Variants in ASPH observed in about 807,000 individuals in gnomAD.
The protein encoded by ASPH is aspartyl/asparaginyl beta-hydroxylase.
Under a neutral mutation model 118.4 loss-of-function variants are expected in ASPH, and 100 were observed. The ratio of observed to expected loss-of-function variants is 0.84; its 90% confidence interval spans 0.72 to 1.00. The LOEUF (loss-of-function observed/expected upper bound fraction) is 1.00, where lower values mean the gene tolerates loss of function less well. Ranked by LOEUF, ASPH falls within the 50% of genes least tolerant of loss-of-function variation. The pLI is 0.00. For missense variants in ASPH, 920 were observed against 919.5 expected, an observed-to-expected ratio of 1.00 and a Z score of -0.01; for synonymous variants, 315 against 325.6, an observed-to-expected ratio of 0.97 and a Z score of 0.35.
chr8:61,575,146 C>T (rs560246355), intron 16 of ASPH, among the ~76,000 whole-genome samples: 39 of 152,250 alleles, frequency 2.6e-4, no homozygotes, highest in African/African-American at 9.1e-4. Flanking sequence ...CGCTGTCTGC[C>T]CCATTCTTTC....
chr8:61,690,564 A>G (rs925375950), intron 1 of ASPH, among the ~76,000 whole-genome samples: 2 of 152,144 alleles, frequency 1.3e-5, no homozygotes, highest in Non-Finnish European at 1.5e-5. Flanking sequence ...AAATAAAATC[A>G]GCCATTTATT....
chr8:61,511,718 T>C (rs113226836), intron 24 of ASPH, among the ~76,000 whole-genome samples: 4,639 of 152,312 alleles, frequency 0.03, 101 homozygotes, highest in Middle Eastern at 0.075. Flanking sequence ...ATTCTCCTGC[T>C]TCAGCCTCCC....
At position 61,691,553 on chromosome 8, in the gene ASPH, G is replaced by T. The variant is rs553075278; in HGVS notation, c.104-7365C>A. 6.6e-5 allele frequency among the ~76,000 whole-genome samples: 10 copies of T among 152,306 alleles called. 1 individual carries two copies. The highest frequency in any genetic ancestry group is 4.1e-4 in the South Asian group (2 of 4,824). On this transcript the variant is annotated intron_variant, in intron 1 of 24. Transcript: ENST00000379454. ...AATATTCTGGAAGCTTCCTTTCATT[G>T]TGTTGTTTTTGGAGGGAGAATGACA...
rs1342991534 is a variant in ASPH, at chr8:61,653,642, G to A, written c.341C>T (p.Thr114Ile). ...KVLLGLKERS[T>I]SEPAVPPEEA... ...TTCTGGCGGGACTGCTGGCTCTGAAGTAGATCTCTCTTTAAGTCCTGCATT... is the reference window on the plus strand; with the variant it reads ...TTCTGGCGGGACTGCTGGCTCTGAAATAGATCTCTCTTTAAGTCCTGCATT... Residue 114 changes from threonine (T) to isoleucine (I), a missense_variant, in exon 4 of 25, where the codon ACT (threonine) becomes ATT (isoleucine). Coordinates refer to ENST00000379454, the MANE Select transcript of ASPH (RefSeq NM_004318.4). 1 of 1,613,878 alleles carries A rather than the reference G, an allele frequency of 6.2e-7. No individual in the cohort carries two copies. Among genetic ancestry groups the A allele is most frequent in the Non-Finnish European group, 8.5e-7 (1 of 1,179,964 alleles).
At chr8:61,625,291 TC>T (rs1471634750) in intron 13 of ASPH, 1 of 985,714 alleles carries the variant, frequency 1.0e-6, no homozygotes, top group Admixed American at 6.2e-5. Context: ...GCAGCAGGCA[TC>T]GGGCTCTGTG....
Position 61,617,566 on chromosome 8 carries a change from G to A in ASPH, c.976+1412C>T, listed in dbSNP as rs192370914. Among the ~76,000 whole-genome samples the A allele has an allele frequency of 1.8e-4, 27 of 152,162 alleles. No homozygotes were observed. In the East Asian group the frequency reaches 3.5e-3, roughly 20 times the overall value. On this transcript the variant is annotated intron_variant, in intron 14 of 24. Coordinates refer to ENST00000379454, the MANE Select transcript of ASPH (RefSeq NM_004318.4). ...GATCTATAAAACAGAGTCAGCCAAC[G>A]GTTTCTGATATTAAGGAGAAAACTG...
intron 24 of ASPH, among the ~76,000 whole-genome samples, chr8:61,516,536 G>A (rs1165222644): frequency 6.6e-6 from 1 of 152,136 alleles, no homozygotes; most frequent in Non-Finnish European, 1.5e-5. Context: ...AGAACAATAA[G>A]AAATGTGTAA....
At chr8:61,643,625 G>C (rs1047893491) in intron 8 of ASPH, among the ~76,000 whole-genome samples, 192 bp from the exon 9 acceptor site, 2 of 152,176 alleles carry the variant, frequency 1.3e-5, no homozygotes, top group African/African-American at 4.8e-5. Flanking sequence ...GGAAAGAGTA[G>C]AAATGGGATT....
Position 61,610,102 on chromosome 8 carries a change from TAAGAA to T in ASPH, c.976+8871_976+8875del, listed in dbSNP as rs1260360329. 3.3e-5 allele frequency among the ~76,000 whole-genome samples: 5 copies of T among 152,316 alleles called. No homozygotes were observed. In the South Asian group the frequency reaches 1.0e-3, roughly 32 times the overall value. The stretch of plus-strand genomic sequence containing the variant: ...TACCAATACCTGATTTTTTTTTCCT[TAAGAA>T]AAGTATTTTACTTTCCTGCTCACAT... On this transcript the variant is annotated intron_variant, in intron 14 of 24. Coordinates refer to ENST00000379454, the MANE Select transcript of ASPH (RefSeq NM_004318.4).
rs375651810 is a variant in ASPH at position 61,517,512 on chromosome 8, A to G, written c.2126+16T>C. The G allele has an allele frequency of 1.2e-6, 2 of 1,612,228 alleles. No homozygotes were observed. Among genetic ancestry groups the G allele is most frequent in the African/African-American group, 2.7e-5 (2 of 74,914 alleles). ...CTCTGAGGTGACGGATATGACGGAT[A>G]ACAGAGGACCCATACTTGGTCTCGT... On this transcript the variant is annotated intron_variant, in intron 24 of 24. Transcript: ENST00000379454.
rs867616219 is a variant in ASPH, at chr8:61,517,806, T to G, written c.1993-145A>C. 35 of 1,262,366 alleles carry G rather than the reference T, an allele frequency of 2.8e-5. No individual in the cohort carries two copies. In the Middle Eastern group the frequency reaches 5.9e-4, roughly 21 times the overall value. 78.2% of individuals were successfully genotyped at this position (1,262,366 alleles called of 1,614,324 possible). A position where few individuals can be genotyped will look rare whatever the true frequency, so the allele number is the denominator to read the frequency against. On this transcript the variant is annotated intron_variant, in intron 23 of 24. Transcript: ENST00000379454. ...TTTATATTCAAGTCTTATTTCTTTGTGAAGGAACTAAAAATAAGCACTCAC... is the reference window on the plus strand; with the variant it reads ...TTTATATTCAAGTCTTATTTCTTTGGGAAGGAACTAAAAATAAGCACTCAC...
intron 5 of ASPH, 71 bp from the exon 6 acceptor site, chr8:61,646,949 A>G (rs112905398): frequency 6.3e-7 from 1 of 1,596,776 alleles, no homozygotes; most frequent in African/African-American, 1.3e-5. Context: ...AAGGGCTGCC[A>G]CACACCTGCT....
At chr8:61,688,676 CTGAT>C (rs1433328001) in intron 1 of ASPH, among the ~76,000 whole-genome samples, 1 of 152,188 alleles carries the variant, frequency 6.6e-6, no homozygotes, top group Non-Finnish European at 1.5e-5. Flanking sequence ...ACTCATCAAA[CTGAT>C]TATTTTTCCA....
intron 14 of ASPH, among the ~76,000 whole-genome samples, chr8:61,613,778 G>A (rs1177888009): frequency 2.0e-5 from 3 of 152,156 alleles, no homozygotes; most frequent in South Asian, 2.1e-4. Flanking sequence ...CCTGAGATGC[G>A]TCATGTGCTG....
intron 14 of ASPH, among the ~76,000 whole-genome samples, chr8:61,593,572 A>G (rs1421897502): frequency 6.6e-6 from 1 of 152,318 alleles, no homozygotes; most frequent in Non-Finnish European, 1.5e-5. Flanking sequence ...CCTCTACTAA[A>G]CTAATGTGAG....
chr8:61,707,025 A>G (rs1836863559), intron 1 of ASPH, among the ~76,000 whole-genome samples: 1 of 152,252 alleles, frequency 6.6e-6, no homozygotes, highest in Admixed American at 6.5e-5. Flanking sequence ...CAGATCTTTT[A>G]GAGGAAAATA....
intron 14 of ASPH, among the ~76,000 whole-genome samples, chr8:61,616,611 G>T (rs919136632): frequency 5.3e-5 from 8 of 152,190 alleles, no homozygotes; most frequent in Non-Finnish European, 2.9e-5. Flanking sequence ...TCTAGTCTTT[G>T]ACTTTCTCTA....
chr8:61,534,503 T>A lies in ASPH; in HGVS notation c.1765-8391A>T, dbSNP rs74659745. ...TAAAAAAAAAAGTATCAGCATATTT[T>A]ACATTTTGAATCAAACTCTGCTAAT... is the stretch of plus-strand genomic sequence containing the variant. On this transcript the variant is annotated intron_variant, in intron 21 of 24. Coordinates refer to ENST00000379454, the MANE Select transcript of ASPH (RefSeq NM_004318.4). Among the ~76,000 whole-genome samples the A allele has an allele frequency of 8.7e-3, 1,324 of 152,342 alleles. 19 individuals carry two copies. Among genetic ancestry groups the A allele is most frequent in the African/African-American group, 0.029 (1,225 of 41,570 alleles).
At chr8:61,565,092 G>A (rs1224023329) in intron 17 of ASPH, among the ~76,000 whole-genome samples, 1 of 152,142 alleles carries the variant, frequency 6.6e-6, no homozygotes, top group African/African-American at 2.4e-5. Context: ...GATGGTATAT[G>A]ATGTTCTATA....
Sources: allele counts gnomAD v4.1 joint callset (sites outside exome capture counted in the v4.1 genomes callset), GRCh38; gene constraint gnomAD v4.1.1; transcripts MANE v1.5; gene names NCBI Gene and HGNC (gene_info 2026-07-23, HGNC 2026-07-21).